Variants in EIF4G3 observed in about 807,000 individuals in gnomAD.
EIF4G3 encodes eIF-4-gamma 3.
In EIF4G3, 34 loss-of-function variants were observed where a neutral mutation model predicts 186.4. The ratio of observed to expected loss-of-function variants is 0.18; its 90% CI spans 0.14 to 0.24. The LOEUF (loss-of-function observed/expected upper bound fraction) is 0.24, where lower values mean the gene tolerates loss of function less well. Among genes scored for constraint, EIF4G3 ranks in the 10% least tolerant of loss-of-function variants. The probability of loss-of-function intolerance (pLI) is 1.00; values close to 1 mark genes in which losing one functional copy is unlikely to be tolerated. For missense variants in EIF4G3, 1,536 were observed against 1,948.5 expected, an observed-to-expected ratio of 0.79 and a Z score of 3.99; for synonymous variants, 673 against 679.5, an observed-to-expected ratio of 0.99 and a Z score of 0.15.
At chr1:21,141,982 T>C (rs562702371) in intron 2 of EIF4G3, among the ~76,000 whole-genome samples, 1 of 151,576 alleles carries the variant, frequency 6.6e-6, no homozygotes, top group Non-Finnish European at 1.5e-5. Context: ...AGATTCAAGA[T>C]AATATTTCCC....
In EIF4G3 at chr1:21,127,772, C is replaced by T. The variant is rs547953090; in HGVS notation, c.-271-38559G>A. On this transcript the variant is annotated intron_variant, in intron 2 of 36. Transcript: ENST00000602326. ...ATATGAGAAAAGTACAGACAATACA[C>T]TTTAAAATGTAACACAAGAAAAACA... 5.3e-5 allele frequency among the ~76,000 whole-genome samples: 8 copies of T among 152,292 alleles called. No individual in the cohort carries two copies. In the South Asian group the frequency reaches 1.7e-3, roughly 32 times the overall value.
intron 14 of EIF4G3, among the ~76,000 whole-genome samples, chr1:20,908,801 T>C (rs1349034132): frequency 6.6e-6 from 1 of 152,160 alleles, no homozygotes. Flanking sequence ...ACTTACCGGT[T>C]TTTATAAAAC....
At chr1:20,893,348 G>T in intron 18 of EIF4G3, 169 bp downstream of exon 18, 1 of 633,906 alleles carries the variant, frequency 1.6e-6, no homozygotes, top group Non-Finnish European at 2.4e-6. Flanking sequence ...AAGAACTCAA[G>T]TGTATTCTTT....
intron 36 of EIF4G3, among the ~76,000 whole-genome samples, chr1:20,809,322 A>C (rs902483748): frequency 6.6e-6 from 1 of 152,210 alleles, no homozygotes; most frequent in Non-Finnish European, 1.5e-5. Context: ...CAGTTACACT[A>C]TAAGGATAAT....
At position 20,849,548 on chromosome 1, in the gene EIF4G3, C is replaced by T. The variant is rs756238862; in HGVS notation, c.3773-18G>A. ...TGGTTTTGCTATTAGTGAGGCCCCC[C>T]AAAAAAAGTAAAAATAATAAAAATT... is the stretch of plus-strand genomic sequence containing the variant. On this transcript the variant is annotated intron_variant, in intron 28 of 36. Coordinates refer to ENST00000602326, the MANE Select transcript of EIF4G3 (RefSeq NM_001391906.1). The T allele has an allele frequency of 2.4e-6, 3 of 1,273,334 alleles. No homozygotes were observed. The highest frequency in any genetic ancestry group is 3.1e-5 in the African/African-American group (2 of 64,794). 78.9% of individuals were successfully genotyped at this position (1,273,334 alleles called of 1,614,324 possible).
intron 4 of EIF4G3, among the ~76,000 whole-genome samples, chr1:21,020,712 T>G (rs75246819): frequency 0.029 from 4,432 of 152,236 alleles, 143 homozygotes; most frequent in East Asian, 0.14. Context: ...AACTAAAACA[T>G]TTTAAAATAT....
chr1:21,010,431 AAAAAAAGAAAAAGAAAAAG>A (rs2086675786), intron 4 of EIF4G3, among the ~76,000 whole-genome samples: 1 of 130,876 alleles, frequency 7.6e-6, no homozygotes. Flanking sequence ...AAAAAAAAAA[AAAAAAAGAAAAAGAAAAAG>A]AAAGAAAAAG....
At chr1:21,017,128 A>T (rs1344921141) in intron 4 of EIF4G3, among the ~76,000 whole-genome samples, 2 of 152,210 alleles carry the variant, frequency 1.3e-5, no homozygotes, top group East Asian at 1.9e-4. Context: ...AATATTATTC[A>T]TCCTTTAAAA....
In EIF4G3 at chr1:20,932,880, G is replaced by A. The variant is rs2095378148; in HGVS notation, c.1663+8611C>T. On this transcript the variant is annotated intron_variant, in intron 14 of 36. Transcript: ENST00000602326. ...GGCATTAACAGGCTTTCTCAACACAGAGTTACCACAAACCTTCAATTTGTA... is the reference window on the plus strand; with the variant it reads ...GGCATTAACAGGCTTTCTCAACACAAAGTTACCACAAACCTTCAATTTGTA... Among the ~76,000 whole-genome samples the A allele has an allele frequency of 2.6e-5, 4 of 152,034 alleles. No individual in the cohort carries two copies. In the South Asian group the frequency reaches 8.3e-4, roughly 32 times the overall value.
chr1:20,990,596 G>C (rs879624548), intron 7 of EIF4G3, among the ~76,000 whole-genome samples: 2 of 152,080 alleles, frequency 1.3e-5, no homozygotes, highest in Non-Finnish European at 2.9e-5. Flanking sequence ...TTGAACCCGG[G>C]AGGCAGAGGC....
chr1:20,880,906 A>G (rs1331139698), intron 19 of EIF4G3, among the ~76,000 whole-genome samples: 1 of 152,222 alleles, frequency 6.6e-6, no homozygotes, highest in Non-Finnish European at 1.5e-5. Context: ...CTGCAGATAT[A>G]TCATCATAAT....
rs551735543 is a variant in EIF4G3 at position 21,124,266 on chromosome 1, C to G, written c.-271-35053G>C. 2.0e-5 allele frequency among the ~76,000 whole-genome samples: 3 copies of G among 148,628 alleles called. No homozygotes were observed. The South Asian group carries it at 6.4e-4, about 32-fold the overall frequency. ...CACTACTGCACTCCAGCCTGGGTGA[C>G]AAGAGCGAGACTCGGTCTCAAAGAA... On this transcript the variant is annotated intron_variant, in intron 2 of 36. Transcript: ENST00000602326.
chr1:20,823,327 T>C (rs954505600), intron 33 of EIF4G3, among the ~76,000 whole-genome samples: 2 of 152,184 alleles, frequency 1.3e-5, no homozygotes, highest in Non-Finnish European at 2.9e-5. Context: ...CATATTAACA[T>C]ATCTTAGATA....
At chr1:20,986,463 T>C (rs1027591180) in intron 7 of EIF4G3, among the ~76,000 whole-genome samples, 2 of 152,104 alleles carry the variant, frequency 1.3e-5, no homozygotes, top group South Asian at 4.1e-4. Context: ...ACTATGAAAA[T>C]TTATCTGGCT....
chr1:20,919,667 A>G (rs775583213), intron 14 of EIF4G3, among the ~76,000 whole-genome samples: 1 of 152,228 alleles, frequency 6.6e-6, no homozygotes, highest in Non-Finnish European at 1.5e-5. Context: ...CCTTTAATAT[A>G]TATCATAAAG....
intron 4 of EIF4G3, among the ~76,000 whole-genome samples, chr1:21,007,234 C>T (rs1467587462): frequency 6.6e-6 from 1 of 151,846 alleles, no homozygotes; most frequent in Non-Finnish European, 1.5e-5. Flanking sequence ...CTCGTCTCTA[C>T]TAAAAATACA....
At chr1:21,096,931 G>A (rs1286614479) in intron 2 of EIF4G3, among the ~76,000 whole-genome samples, 1 of 152,112 alleles carries the variant, frequency 6.6e-6, no homozygotes, top group Admixed American at 6.6e-5. Flanking sequence ...TGGAACTTAG[G>A]TTAAAAAATA....
At position 21,050,421 on chromosome 1, in the gene EIF4G3, C is replaced by A. The variant is rs6426662; in HGVS notation, c.-67+445G>T. Among the ~76,000 whole-genome samples, 19 of 152,172 alleles carry A rather than the reference C, an allele frequency of 1.2e-4. 1 individual carries two copies. Among genetic ancestry groups the A allele is most frequent in the Non-Finnish European group, 2.6e-4 (18 of 68,052 alleles). The stretch of plus-strand genomic sequence containing the variant: ...CTATCAAATTACAATAATCGACTTA[C>A]AAAACAACCAAACCAACAAACAAAA... On this transcript the variant is annotated intron_variant, in intron 4 of 36. Coordinates refer to ENST00000602326, the MANE Select transcript of EIF4G3 (RefSeq NM_001391906.1).
chr1:21,107,469 A>C (rs905883470), intron 2 of EIF4G3, among the ~76,000 whole-genome samples: 3 of 152,060 alleles, frequency 2.0e-5, no homozygotes, highest in Non-Finnish European at 4.4e-5. Flanking sequence ...ACCGGGCCCA[A>C]CCTGAAAACT....
Sources: allele counts gnomAD v4.1 joint callset (sites outside exome capture counted in the v4.1 genomes callset), GRCh38; gene constraint gnomAD v4.1.1; transcripts MANE v1.5; gene names NCBI Gene and HGNC (gene_info 2026-07-23, HGNC 2026-07-21).